PDE4D: variants seen among roughly 807,000 people sequenced by gnomAD.
The protein encoded by PDE4D is 3',5'-cyclic-AMP phosphodiesterase 4D.
PDE4D carries 24 observed loss-of-function variants against 87.4 expected under a neutral mutation model. That is an observed-to-expected ratio of 0.27 (90% confidence interval 0.20 to 0.39). The LOEUF (loss-of-function observed/expected upper bound fraction) is 0.39. Ranked by LOEUF, PDE4D falls within the 10% of genes least tolerant of loss-of-function variation. PDE4D has a pLI of 1.00. For missense variants in PDE4D, 714 were observed against 1,041.0 expected, an observed-to-expected ratio of 0.69 and a Z score of 4.32; for synonymous variants, 384 against 383.2, an observed-to-expected ratio of 1.00 and a Z score of -0.02.
chr5:59,550,895 A>G (rs950961497), intron 1 of PDE4D, among the ~76,000 whole-genome samples: 1 of 151,874 alleles, frequency 6.6e-6, no homozygotes, highest in Non-Finnish European at 1.5e-5. Context: ...ACGGGGTTTC[A>G]CCATGTTGGT....
rs1205199951 is a variant in PDE4D at position 59,053,638 on chromosome 5, G to GTT, written c.809-14669_809-14668dup. 3.8e-4 allele frequency among the ~76,000 whole-genome samples: 32 copies of GTT among 84,666 alleles called. 1 individual carries two copies. Among genetic ancestry groups the GTT allele is most frequent in the East Asian group, 2.8e-3 (3 of 1,078 alleles). The allele number at this position is 84,666 out of a possible 152,430, so 55.5% of individuals were successfully genotyped here. On this transcript the variant is annotated intron_variant, in intron 5 of 14. Coordinates refer to ENST00000340635, the MANE Select transcript of PDE4D (RefSeq NM_001104631.2). ...TAAGTTTTATGAATTAAGTTGTTTT[G>GTT]TTTTTTGTTTTTTTTTGTTGTTGTT...
intron 2 of PDE4D, among the ~76,000 whole-genome samples, chr5:60,056,411 A>T (rs1017619202): frequency 1.3e-5 from 2 of 151,986 alleles, no homozygotes; most frequent in Non-Finnish European, 2.9e-5. Context: ...GTAGCAGGAC[A>T]ATCTGTCAAA....
At chr5:59,711,017 A>G (rs893395071) in intron 1 of PDE4D, among the ~76,000 whole-genome samples, 1 of 152,186 alleles carries the variant, frequency 6.6e-6, no homozygotes, top group African/African-American at 2.4e-5. Flanking sequence ...AAACCACAGC[A>G]TATTAACCAA....
At chr5:60,106,734 T>C (rs1182654733) in intron 2 of PDE4D, among the ~76,000 whole-genome samples, 1 of 152,026 alleles carries the variant, frequency 6.6e-6, no homozygotes, top group Non-Finnish European at 1.5e-5. Flanking sequence ...ACATGGAAAC[T>C]GAACAACCTG....
At chr5:59,119,062 T>A (rs1399453086) in intron 5 of PDE4D, among the ~76,000 whole-genome samples, 1 of 151,994 alleles carries the variant, frequency 6.6e-6, no homozygotes, top group Non-Finnish European at 1.5e-5. Context: ...AAGATGAAAT[T>A]AAAAAAAGCT....
Position 60,319,636 on chromosome 5 carries a change from G to A in PDE4D, c.-89-133949C>T, listed in dbSNP as rs147971349. ...GTTTTATCTACCTTTGGTCTTTGAT[G>A]ATGGTGACGTACACATGAGGTTTTG... On this transcript the variant is annotated intron_variant, in intron 1 of 16. Coordinates refer to the PDE4D transcript ENST00000502484. Among the ~76,000 whole-genome samples, 491 of 152,274 alleles carry A rather than the reference G, an allele frequency of 3.2e-3. 4 individuals carry two copies. The highest frequency in any genetic ancestry group is 0.011 in the African/African-American group (462 of 41,546).
chr5:60,155,626 CTG>C (rs1374517038), intron 2 of PDE4D, among the ~76,000 whole-genome samples: 1 of 152,192 alleles, frequency 6.6e-6, no homozygotes, highest in Non-Finnish European at 1.5e-5. Flanking sequence ...ATGCTAGACA[CTG>C]TGTGCTAGGC....
intron 1 of PDE4D, among the ~76,000 whole-genome samples, chr5:59,683,516 C>A (rs905786028): frequency 6.6e-6 from 1 of 152,116 alleles, no homozygotes; most frequent in African/African-American, 2.4e-5. Context: ...GCACACTCAG[C>A]ATAAAATCCT....
intron 5 of PDE4D, among the ~76,000 whole-genome samples, chr5:59,041,033 T>C (rs1304027129): frequency 6.6e-6 from 1 of 152,180 alleles, no homozygotes; most frequent in Non-Finnish European, 1.5e-5. Context: ...GGTTAAAATT[T>C]GCCTCTTTTT....
At chr5:59,570,353 T>A (rs1821622016) in intron 1 of PDE4D, among the ~76,000 whole-genome samples, 1 of 152,202 alleles carries the variant, frequency 6.6e-6, no homozygotes, top group African/African-American at 2.4e-5. Flanking sequence ...GCTTCTCTAA[T>A]AAATAAGGAT....
At chr5:59,415,793 C>T (rs2153623820) in intron 1 of PDE4D, among the ~76,000 whole-genome samples, 1 of 152,264 alleles carries the variant, frequency 6.6e-6, no homozygotes, top group Non-Finnish European at 1.5e-5. Context: ...TAATCTGATA[C>T]AGTGAGTTAA....
intron 3 of PDE4D, among the ~76,000 whole-genome samples, chr5:59,939,284 A>G (rs1756929882): frequency 6.6e-6 from 1 of 152,164 alleles, no homozygotes; most frequent in South Asian, 2.1e-4. Flanking sequence ...TAACTAAAGT[A>G]TCTTCTGCTT....
intron 1 of PDE4D, among the ~76,000 whole-genome samples, chr5:60,352,533 T>C (rs555880136): frequency 1.3e-5 from 2 of 152,360 alleles, no homozygotes; most frequent in Admixed American, 1.3e-4. Context: ...CTTTGGCCTC[T>C]AATTGGCCCT....
chr5:59,674,868 T>C (rs951801242), intron 1 of PDE4D, among the ~76,000 whole-genome samples: 3 of 152,222 alleles, frequency 2.0e-5, no homozygotes, highest in Admixed American at 1.3e-4. Flanking sequence ...CCACAATGCA[T>C]AGTTTAATAT....
chr5:60,107,808 GC>G (rs1255116923), intron 2 of PDE4D, among the ~76,000 whole-genome samples: 26 of 151,974 alleles, frequency 1.7e-4, no homozygotes, highest in African/African-American at 6.3e-4. Flanking sequence ...AAATTCAACA[GC>G]CCTTCATGCT....
intron 1 of PDE4D, among the ~76,000 whole-genome samples, chr5:59,736,153 A>C (rs1422700182): frequency 6.6e-6 from 1 of 151,934 alleles, no homozygotes; most frequent in Non-Finnish European, 1.5e-5. Context: ...AAAAAAAAGA[A>C]AACAAACCAA....
chr5:59,233,055 C>T (rs145331547), intron 1 of PDE4D, among the ~76,000 whole-genome samples: 76 of 152,072 alleles, frequency 5.0e-4, no homozygotes, highest in South Asian at 1.0e-3. Flanking sequence ...GGTTGGCTAA[C>T]GTATGCAAAC....
At chr5:59,150,566 T>A (rs1391965342) in intron 5 of PDE4D, among the ~76,000 whole-genome samples, 1 of 152,194 alleles carries the variant, frequency 6.6e-6, no homozygotes, top group Admixed American at 6.5e-5. Flanking sequence ...TGGTCATCAA[T>A]GTATCTCAAG....
chr5:59,462,905 A>C lies in PDE4D; in HGVS notation c.456-246937T>G, dbSNP rs115725326. ...AATAACTTGTAAAAAGTTAATTGTA[A>C]AAAAAAAAACTGCAGACAAATTTTT... On this transcript the variant is annotated intron_variant, in intron 1 of 14. Transcript: ENST00000340635. Among the ~76,000 whole-genome samples, 1,204 of 150,910 alleles carry C rather than the reference A, an allele frequency of 8.0e-3. 15 individuals are homozygous for C. The highest frequency in any genetic ancestry group is 0.028 in the African/African-American group (1,164 of 41,224).
Sources: gnomAD v4.1 joint callset for allele counts (sites outside exome capture counted in the v4.1 genomes callset) on GRCh38, gnomAD v4.1.1 for gene constraint, MANE v1.5 for transcripts, NCBI Gene and HGNC (gene_info 2026-07-23, HGNC 2026-07-21) for gene names.